Variants in TTLL3 observed in about 807,000 individuals in gnomAD.
The protein encoded by TTLL3 is tubulin tyrosine ligase like 3.
Under a neutral mutation model 75.2 loss-of-function variants are expected in TTLL3, and 63 were observed. The observed-to-expected ratio is 0.84, with a 90% confidence interval of 0.68 to 1.03. The LOEUF is 1.03. TTLL3 is among the 50% of genes least tolerant of loss of function. The pLI, the probability that TTLL3 is intolerant of heterozygous loss-of-function variation, is 0.00. For synonymous variants in TTLL3, 393 were observed against 418.5 expected (o/e 0.94, Z 0.74); for missense variants, 997 against 1,069.9 (o/e 0.93, Z 0.95).
Position 9,818,872 on chromosome 3 carries a change from T to G in TTLL3, c.610T>G (p.Ser204Ala). 1 of 1,614,146 alleles carries G rather than the reference T, an allele frequency of 6.2e-7. No homozygotes were observed. The highest frequency in any genetic ancestry group is 8.5e-7 in the Non-Finnish European group (1 of 1,180,026). The change falls in exon 7 of 14, where the codon TCT becomes GCT. Residue 204 changes from serine to alanine, a missense_variant. By Grantham distance (99) the Ser-to-Ala change is moderately conservative. Transcript: ENST00000685419. ...CAACGTTCTCAAGCTGGTGGTGAAG[T>G]CTGAGTGGAAGTCATACCCTATTCA... is the stretch of plus-strand genomic sequence containing the variant. ...ARNVLKLVVK[S>A]EWKSYPIQAV...
chr3:9,828,781 C>A, intron 10 of TTLL3, 179 bp from the exon 11 acceptor site: 1 of 776,300 alleles, frequency 1.3e-6, no homozygotes, highest in Non-Finnish European at 2.0e-6. Flanking sequence ...TGGTTCTGGC[C>A]CTAGAAGAAT....
chr3:9,829,497 C>G lies in TTLL3; in HGVS notation c.1683+102C>G, dbSNP rs987707070. ...CTCTGCAGTCAGACCCAGTTTAAGA[C>G]CCAGATTCAAGTCCTGGTCCTGCTA... On this transcript the variant is annotated intron_variant, in intron 11 of 13. Coordinates refer to ENST00000685419, the MANE Select transcript of TTLL3 (RefSeq NM_001387446.1). 1.8e-5 allele frequency: 26 copies of G among 1,425,754 alleles called. No homozygotes were observed. The African/African-American group carries it at 3.4e-4, about 19-fold the overall frequency. The allele number at this position is 1,425,754 out of a possible 1,614,324, so 88.3% of individuals were successfully genotyped here.
chr3:9,829,135 G>C lies in TTLL3; in HGVS notation c.1423G>C (p.Val475Leu). Reference protein sequence around the residue: ...TIIVPGMKDAVIHALQTSQDT... With the variant: ...TIIVPGMKDALIHALQTSQDT... Reference sequence around the variant, plus strand: ...CATCGTGCCTGGCATGAAGGATGCTGTGATCCACGCACTTCAGACCTCCCA... The same window carrying C: ...CATCGTGCCTGGCATGAAGGATGCTCTGATCCACGCACTTCAGACCTCCCA... Residue 475 changes from valine (V) to leucine (L), a missense_variant, in exon 11 of 14, where the codon GTG becomes CTG. Val to Leu is a conservative substitution (Grantham distance 32, BLOSUM62 1). Transcript: ENST00000685419. The C allele has an allele frequency of 6.2e-7, 1 of 1,614,252 alleles. No individual in the cohort carries two copies. Among genetic ancestry groups the C allele is most frequent in the Non-Finnish European group, 8.5e-7 (1 of 1,180,040 alleles).
intron 4 of TTLL3, among the ~76,000 whole-genome samples, chr3:9,814,190 G>A (rs2079604331): frequency 6.6e-6 from 1 of 152,002 alleles, no homozygotes; most frequent in South Asian, 2.1e-4. Flanking sequence ...ACAAAAAGTA[G>A]CTGACTGTGG....
intron 5 of TTLL3, chr3:9,817,303 A>G (rs2079970387): frequency 6.5e-6 from 2 of 307,368 alleles, no homozygotes; most frequent in South Asian, 1.3e-4. Flanking sequence ...GGGCGCCTGT[A>G]GTCCCAGCTA....
At chr3:9,819,834 G>A (rs938870477) in intron 7 of TTLL3, 2 of 985,322 alleles carry the variant, frequency 2.0e-6, no homozygotes, top group Admixed American at 6.1e-5. Flanking sequence ...GCTTGGTTGT[G>A]TGCCAGGATA....
intron 8 of TTLL3, among the ~76,000 whole-genome samples, chr3:9,822,275 G>A (rs55649150): frequency 0.58 from 87,960 of 150,684 alleles, 26,775 homozygotes; most frequent in Non-Finnish European, 0.66. Context: ...CACTATGCAG[G>A]CCAGACTGGT....
intron 4 of TTLL3, among the ~76,000 whole-genome samples, chr3:9,814,386 C>T (rs866514398): frequency 1.3e-5 from 2 of 151,222 alleles, no homozygotes; most frequent in African/African-American, 4.9e-5. Flanking sequence ...TGGCTCACAC[C>T]TGTAATCCCA....
chr3:9,812,986 G>T lies in TTLL3; in HGVS notation c.92G>T (p.Arg31Leu). ...FTIQGCYPVI[R>L]CLLRRRGWVE... Reference sequence around the variant, plus strand: ...ATCCAAGGCTGCTACCCGGTGATCCGGTGTCTCTTGCGCCGGAGGGGCTGG... The same window carrying T: ...ATCCAAGGCTGCTACCCGGTGATCCTGTGTCTCTTGCGCCGGAGGGGCTGG... The change falls in exon 3 of 14, where the codon CGG becomes CTG. Residue 31 changes from arginine to leucine, a missense_variant. By Grantham distance (102) the Arg-to-Leu change is moderately radical (BLOSUM62 -2). Coordinates refer to ENST00000685419, the MANE Select transcript of TTLL3 (RefSeq NM_001387446.1). 1 of 1,540,488 alleles carries T rather than the reference G, an allele frequency of 6.5e-7. No individual in the cohort carries two copies.
rs528344990 is a variant in TTLL3 at position 9,825,020 on chromosome 3, C to T, written c.855-780C>T. On this transcript the variant is annotated intron_variant, in intron 8 of 13. Transcript: ENST00000685419. ...CCTCCCAAAGTGCTGGGATTACAGGCAGGAGCCACCGTGCCTGGCCCAGTT... is the reference window on the plus strand; with the variant it reads ...CCTCCCAAAGTGCTGGGATTACAGGTAGGAGCCACCGTGCCTGGCCCAGTT... Among the ~76,000 whole-genome samples, 11 of 152,242 alleles carry T rather than the reference C, an allele frequency of 7.2e-5. No homozygotes were observed. The East Asian group carries it at 2.1e-3, about 30-fold the overall frequency.
At chr3:9,811,265 G>A (rs1412573410) in intron 2 of TTLL3, among the ~76,000 whole-genome samples, 1 of 151,910 alleles carries the variant, frequency 6.6e-6, no homozygotes, top group Admixed American at 6.6e-5. Flanking sequence ...GCCCCTACCT[G>A]TCATCTACAC....
At chr3:9,812,721 G>T in intron 2 of TTLL3, 1 of 440,118 alleles carries the variant, frequency 2.3e-6, no homozygotes, top group Non-Finnish European at 3.7e-6. Context: ...GCATGTAAGT[G>T]CTCAGCATGT....
chr3:9,825,129 T>C (rs1375036016), intron 8 of TTLL3, among the ~76,000 whole-genome samples: 2 of 152,148 alleles, frequency 1.3e-5, no homozygotes, highest in African/African-American at 4.8e-5. Flanking sequence ...AACAGGAGGA[T>C]GGCCTGAGGC....
chr3:9,829,800 G>A (rs1038105818), intron 11 of TTLL3, among the ~76,000 whole-genome samples: 1 of 152,112 alleles, frequency 6.6e-6, no homozygotes, highest in African/African-American at 2.4e-5. Flanking sequence ...ACAAAGTTAG[G>A]TACTATGAGT....
upstream of TTLL3, chr3:9,810,043 A>G (rs2125659469): frequency 8.0e-7 from 1 of 1,252,956 alleles, no homozygotes; most frequent in Non-Finnish European, 9.9e-7. This position sits in a 1 kb window ranked among gnomAD's most constrained non-coding sequence, Gnocchi z 4.4. Context: ...CCTGAGCGCG[A>G]GGGAGCTGGG....
chr3:9,816,607 C>T (rs2125698335), intron 5 of TTLL3, among the ~76,000 whole-genome samples: 1 of 146,808 alleles, frequency 6.8e-6, no homozygotes, highest in East Asian at 2.0e-4. Context: ...ACCTCTGCCT[C>T]CCAGTTCAAG....
rs547455173 is a variant in TTLL3 at position 9,817,764 on chromosome 3, G to C, written c.559+5G>C. The C allele has an allele frequency of 1.5e-5, 24 of 1,614,150 alleles. No individual in the cohort carries two copies. In the South Asian group the frequency reaches 2.5e-4, roughly 17 times the overall value. ...ATGACAAAAAAGCCTTCATAGGTAA[G>C]GAGACCCCCAGCCCTATGCCTGAAC... On this transcript the variant is annotated splice_donor_5th_base_variant and intron_variant, in intron 6 of 13. Coordinates refer to ENST00000685419, the MANE Select transcript of TTLL3 (RefSeq NM_001387446.1).
intron 11 of TTLL3, among the ~76,000 whole-genome samples, chr3:9,832,245 C>A (rs764872375): frequency 6.6e-6 from 1 of 151,908 alleles, no homozygotes; most frequent in African/African-American, 2.4e-5. Context: ...GCCACCATGA[C>A]CTGCTAATTT....
chr3:9,818,229 C>G, intron 6 of TTLL3: 1 of 171,608 alleles, frequency 5.8e-6, no homozygotes, highest in Non-Finnish European at 1.3e-5. Context: ...CAGTCTGGTT[C>G]TCAGGACAGA....
Sources: gnomAD v4.1 joint callset for allele counts (sites outside exome capture counted in the v4.1 genomes callset) on GRCh38, gnomAD v4.1.1 for gene constraint, Gnocchi (gnomAD v3.1) non-coding constraint, MANE v1.5 for transcripts, NCBI Gene and HGNC (gene_info 2026-07-23, HGNC 2026-07-21) for gene names.